Variants in SMCHD1 observed in about 807,000 individuals in gnomAD.
SMCHD1 encodes structural maintenance of chromosomes flexible hinge domain containing 1.
A neutral mutation model predicts 254.7 loss-of-function variants in SMCHD1; 78 were observed. The observed-to-expected ratio is 0.31, with a 90% CI of 0.26 to 0.37. SMCHD1 has a LOEUF of 0.37. Ranked by LOEUF, SMCHD1 falls within the 10% of genes least tolerant of loss-of-function variation. SMCHD1 has a pLI of 1.00. For missense variants in SMCHD1, 1,840 were observed against 2,408.1 expected (o/e 0.76, Z 4.94); for synonymous variants, 766 against 794.9 (o/e 0.96, Z 0.61).
intron 24 of SMCHD1, among the ~76,000 whole-genome samples, chr18:2,729,868 C>A (rs1380191359): frequency 2.0e-5 from 3 of 151,964 alleles, no homozygotes; most frequent in Non-Finnish European, 4.4e-5. Context: ...ACCAATGCAC[C>A]TGGTTATTTA....
At chr18:2,743,526 G>A (rs1245302154) in intron 28 of SMCHD1, among the ~76,000 whole-genome samples, 1 of 152,064 alleles carries the variant, frequency 6.6e-6, no homozygotes, top group East Asian at 1.9e-4. Context: ...ATAAAATAAA[G>A]AGACATTGCC....
chr18:2,673,598 A>T (rs1598294170), intron 4 of SMCHD1, among the ~76,000 whole-genome samples: 1 of 110,750 alleles, frequency 9.0e-6, no homozygotes, highest in South Asian at 2.2e-4. Flanking sequence ...CATTGTTAAC[A>T]TGTGTCATAT....
At chr18:2,779,751 A>G (rs1181852186) in intron 44 of SMCHD1, among the ~76,000 whole-genome samples, 2 of 152,176 alleles carry the variant, frequency 1.3e-5, no homozygotes, top group African/African-American at 2.4e-5. Flanking sequence ...GTTCAAGGCT[A>G]TAGGCTGTCG....
At chr18:2,696,680 A>G (rs148415247) in intron 8 of SMCHD1, among the ~76,000 whole-genome samples, 1 of 152,312 alleles carries the variant, frequency 6.6e-6, no homozygotes, top group Non-Finnish European at 1.5e-5. Context: ...GTAGAATTAT[A>G]GACTCTTGCT....
chr18:2,803,263 A>G lies in SMCHD1; in HGVS notation c.*711A>G, dbSNP rs2076395543. 2.0e-5 allele frequency: 3 copies of G among 148,812 alleles called. No homozygotes were observed. The highest frequency in any genetic ancestry group is 6.7e-5 in the Admixed American group (1 of 14,852). 9.2% of individuals were successfully genotyped at this position (148,812 alleles called of 1,614,324 possible). On this transcript the variant is annotated 3_prime_UTR_variant, in exon 48 of 48. Coordinates refer to ENST00000320876, the MANE Select transcript of SMCHD1 (RefSeq NM_015295.3). ...TTCAGCAGCACCAAGTTTTATAACT[A>G]TTGTTTGTTTGACTTTATTAATACT... is the stretch of plus-strand genomic sequence containing the variant.
chr18:2,662,181 A>T (rs1459188960), intron 1 of SMCHD1, among the ~76,000 whole-genome samples: 7 of 85,714 alleles, frequency 8.2e-5, no homozygotes, highest in Non-Finnish European at 1.5e-4. Context: ...AAAAAAAATA[A>T]AATAAATAAA....
intron 34 of SMCHD1, chr18:2,753,170 TC>T (rs2075608697): frequency 6.6e-6 from 1 of 152,298 alleles, no homozygotes; most frequent in Non-Finnish European, 1.5e-5. Flanking sequence ...TATTTAGAGT[TC>T]CGTTTATCTT....
intron 12 of SMCHD1, among the ~76,000 whole-genome samples, chr18:2,701,866 C>T (rs954867608): frequency 6.6e-6 from 1 of 151,814 alleles, no homozygotes; most frequent in Non-Finnish European, 1.5e-5. Context: ...GCAATAAATA[C>T]AGTGCATAGT....
chr18:2,700,415 G>A (rs2074375362), intron 10 of SMCHD1, 124 bp from the exon 11 acceptor site: 4 of 1,034,574 alleles, frequency 3.9e-6, no homozygotes, highest in Non-Finnish European at 5.5e-6. Context: ...ACCTTTTTGT[G>A]GGCAAACAGT....
At chr18:2,657,527 A>AAATATGGAAATC (rs2073106793) in intron 1 of SMCHD1, among the ~76,000 whole-genome samples, 1 of 152,222 alleles carries the variant, frequency 6.6e-6, no homozygotes, top group African/African-American at 2.4e-5. Flanking sequence ...CAGTACATTA[A>AAATATGGAAATC]AGAAAATATG....
intron 28 of SMCHD1, among the ~76,000 whole-genome samples, chr18:2,742,895 G>A (rs1178597525): frequency 6.6e-6 from 1 of 152,038 alleles, no homozygotes; most frequent in Non-Finnish European, 1.5e-5. Context: ...CAGGCTGGTC[G>A]TGAACTGGGC....
intron 45 of SMCHD1, among the ~76,000 whole-genome samples, chr18:2,793,633 C>A (rs2076207664): frequency 7.6e-6 from 1 of 132,318 alleles, no homozygotes; most frequent in Non-Finnish European, 1.5e-5. Flanking sequence ...CCACTGCACT[C>A]CAGCCTGGGC....
At chr18:2,786,625 G>A (rs781284406) in intron 45 of SMCHD1, among the ~76,000 whole-genome samples, 6 of 152,126 alleles carry the variant, frequency 3.9e-5, no homozygotes, top group Non-Finnish European at 4.4e-5. Context: ...CTGGGAGGCA[G>A]AGGTTGCAGT....
intron 45 of SMCHD1, among the ~76,000 whole-genome samples, chr18:2,790,840 G>T (rs1376750595): frequency 6.6e-6 from 1 of 151,844 alleles, no homozygotes; most frequent in Non-Finnish European, 1.5e-5. Context: ...TAAGATGAGG[G>T]ATATCCCAAT....
Position 2,690,959 on chromosome 18 carries a change from A to G in SMCHD1, c.873+2212A>G, listed in dbSNP as rs547964481. Among the ~76,000 whole-genome samples the G allele has an allele frequency of 0.022, 12 of 544 alleles. No individual in the cohort carries two copies. The South Asian group carries it at 0.46, about 21-fold the overall frequency. The allele number at this position is 544 out of a possible 152,430, so 0.4% of individuals were successfully genotyped here. A position where few individuals can be genotyped will look rare whatever the true frequency, so the allele number is the denominator to read the frequency against. On this transcript the variant is annotated intron_variant, in intron 7 of 47. Coordinates refer to ENST00000320876, the MANE Select transcript of SMCHD1 (RefSeq NM_015295.3). Reference sequence around the variant, plus strand: ...CAAAATGTTGGCCATTTGATAATTGAAAAAAAAAAAAAAAACCTTTTCTTT... The same window carrying G: ...CAAAATGTTGGCCATTTGATAATTGGAAAAAAAAAAAAAAACCTTTTCTTT...
chr18:2,726,742 A>T (rs2075034395), intron 22 of SMCHD1: 3 of 241,052 alleles, frequency 1.2e-5, no homozygotes, highest in Non-Finnish European at 2.3e-5. Context: ...TGGGAGAAAA[A>T]TTTGGATATT....
chr18:2,726,711 T>C (rs534655763), intron 22 of SMCHD1, 187 bp downstream of exon 22: 19 of 297,520 alleles, frequency 6.4e-5, no homozygotes, highest in African/African-American at 1.1e-4. Context: ...GAAGATGTTA[T>C]TGACATTCTG....
At chr18:2,676,204 A>G (rs1056596801) in intron 5 of SMCHD1, among the ~76,000 whole-genome samples, 1 of 152,256 alleles carries the variant, frequency 6.6e-6, no homozygotes, top group African/African-American at 2.4e-5. Flanking sequence ...CCTGTAGCTT[A>G]TGTTGTATTG....
Position 2,803,335 on chromosome 18 carries a change from A to AT in SMCHD1, c.*789dup, listed in dbSNP as rs961649881. 1.1e-4 allele frequency: 16 copies of AT among 151,206 alleles called. No individual in the cohort carries two copies. The highest frequency in any genetic ancestry group is 3.4e-4 in the African/African-American group (14 of 41,370). 9.4% of individuals were successfully genotyped at this position (151,206 alleles called of 1,614,324 possible). On this transcript the variant is annotated 3_prime_UTR_variant, in exon 48 of 48. Transcript: ENST00000320876. ...AATTTTACATTTACATTATTTTGTA[A>AT]TTTTTTATTACTATTTTTAAGGGGT...
Sources: allele counts gnomAD v4.1 joint callset (sites outside exome capture counted in the v4.1 genomes callset), GRCh38; gene constraint gnomAD v4.1.1; transcripts MANE v1.5; gene names NCBI Gene and HGNC (gene_info 2026-07-23, HGNC 2026-07-21).